ITPR1: variants seen among roughly 807,000 people sequenced by gnomAD.
ITPR1 encodes inositol 1,4,5-trisphosphate-gated calcium channel ITPR1.
In ITPR1, 96 loss-of-function variants were observed where a neutral mutation model predicts 318.4. The ratio of observed to expected loss-of-function variants is 0.30; its 90% confidence interval spans 0.26 to 0.36. The LOEUF (loss-of-function observed/expected upper bound fraction) is 0.36. Ranked by LOEUF, ITPR1 falls within the 10% of genes least tolerant of loss-of-function variation. The probability of loss-of-function intolerance (pLI) is 1.00; values close to 1 mark genes in which losing one functional copy is unlikely to be tolerated. For synonymous variants in ITPR1, 1,312 were observed against 1,289.9 expected (o/e 1.02, Z -0.37); for missense variants, 2,440 against 3,460.2 (o/e 0.71, Z 7.40).
At chr3:4,801,183 C>A (rs559545038) in intron 54 of ITPR1, among the ~76,000 whole-genome samples, 101 of 152,240 alleles carry the variant, frequency 6.6e-4, no homozygotes, top group African/African-American at 2.3e-3. Flanking sequence ...TGATATAAAA[C>A]CATACATTGG....
chr3:4,782,874 C>T (rs1454874833), intron 50 of ITPR1, 133 bp downstream of exon 50: 20 of 799,426 alleles, frequency 2.5e-5, no homozygotes, highest in Non-Finnish European at 3.5e-5. Flanking sequence ...GAGCCTGCGG[C>T]TCACAGGTGC....
At chr3:4,583,071 T>C (rs1018118396) in intron 4 of ITPR1, among the ~76,000 whole-genome samples, 18 of 152,214 alleles carry the variant, frequency 1.2e-4, no homozygotes, top group Non-Finnish European at 2.4e-4. Flanking sequence ...TCTTGGCATA[T>C]AGGAGAAGAA....
intron 17 of ITPR1, among the ~76,000 whole-genome samples, chr3:4,665,515 C>A (rs143290011): frequency 8.5e-5 from 13 of 152,282 alleles, no homozygotes; most frequent in African/African-American, 2.4e-4. Context: ...AGACATCTTT[C>A]TATGAGATTT....
chr3:4,837,880 TGA>T (rs1203021273), intron 61 of ITPR1, among the ~76,000 whole-genome samples: 1 of 152,166 alleles, frequency 6.6e-6, no homozygotes, highest in Non-Finnish European at 1.5e-5. Context: ...GCATTTTATG[TGA>T]GTTTCTGAAA....
rs2094328064 is a variant in ITPR1 at position 4,682,955 on chromosome 3, A to G, written c.3162-431A>G. Among the ~76,000 whole-genome samples, 3 of 152,190 alleles carry G rather than the reference A, an allele frequency of 2.0e-5. No individual in the cohort carries two copies. In the South Asian group the frequency reaches 6.2e-4, roughly 32 times the overall value. ...TATAGTCCCAGCTACTCAGTATGCT[A>G]AGGCAGGAGGATCATTTGAGCATAG... On this transcript the variant is annotated intron_variant, in intron 26 of 61. Coordinates refer to ENST00000649015, the MANE Select transcript of ITPR1 (RefSeq NM_001378452.1).
chr3:4,738,474 G>A (rs955744314), intron 44 of ITPR1, among the ~76,000 whole-genome samples: 1 of 152,178 alleles, frequency 6.6e-6, no homozygotes, highest in Non-Finnish European at 1.5e-5. Flanking sequence ...GATTAGACGT[G>A]GAAGAGAAGT....
At chr3:4,657,226 G>A (rs1463952345) in intron 12 of ITPR1, among the ~76,000 whole-genome samples, 1 of 152,032 alleles carries the variant, frequency 6.6e-6, no homozygotes, top group African/African-American at 2.4e-5. Context: ...CTTGGATTCA[G>A]GTTTATTTTG....
rs2045971649 is a variant in ITPR1, at chr3:4,768,612, G to C, written c.5827G>C (p.Asp1943His). 6.2e-7 allele frequency: 1 copy of C among 1,613,902 alleles called. No individual in the cohort carries two copies. The highest frequency in any genetic ancestry group is 1.3e-5 in the African/African-American group (1 of 74,944). The change falls in exon 46 of 62, where the codon GAT becomes CAT. Residue 1943 changes from aspartate (D) to histidine (H), a missense_variant. Asp to His is a moderately conservative substitution (Grantham distance 81, BLOSUM62 -1). This residue lies in a region of ITPR1 where 113 missense variants were observed against 103.6 expected (regional missense o/e 1.09). Coordinates refer to ENST00000649015, the MANE Select transcript of ITPR1 (RefSeq NM_001378452.1). The stretch of plus-strand genomic sequence containing the variant: ...CTTCACCACTTTCAGGAGGGAGGCT[G>C]ATCCCGACGACCACTACCAGCCTGG... ...KAFTTFRREA[D>H]PDDHYQPGEG...
chr3:4,693,820 G>T, intron 33 of ITPR1, 79 bp downstream of exon 33: 3 of 1,486,018 alleles, frequency 2.0e-6, no homozygotes, highest in Admixed American at 2.0e-5. Context: ...AGACATGGTG[G>T]TGGCTGGCCT....
chr3:4,560,456 A>G (rs569434512), intron 4 of ITPR1, among the ~76,000 whole-genome samples: 3 of 152,314 alleles, frequency 2.0e-5, no homozygotes, highest in African/African-American at 4.8e-5. Flanking sequence ...CCTGACTACT[A>G]TTTTTAAAGA....
intron 4 of ITPR1, among the ~76,000 whole-genome samples, chr3:4,626,860 C>T (rs1171522311): frequency 6.6e-6 from 1 of 152,180 alleles, no homozygotes; most frequent in Admixed American, 6.5e-5. Flanking sequence ...GTTCTGCCGC[C>T]CAAACTGGAG....
chr3:4,614,015 T>C (rs1236765145), intron 4 of ITPR1, among the ~76,000 whole-genome samples: 1 of 152,188 alleles, frequency 6.6e-6, no homozygotes, highest in Non-Finnish European at 1.5e-5. Flanking sequence ...GTCACTCTAG[T>C]TGCGCCTGTT....
intron 12 of ITPR1, among the ~76,000 whole-genome samples, chr3:4,654,358 G>C (rs1224708652): frequency 6.6e-6 from 1 of 152,224 alleles, no homozygotes; most frequent in Non-Finnish European, 1.5e-5. Flanking sequence ...TAGATACTCA[G>C]CTAATCCGTC....
intron 17 of ITPR1, among the ~76,000 whole-genome samples, chr3:4,666,411 C>T (rs2093946978): frequency 6.6e-6 from 1 of 152,084 alleles, no homozygotes; most frequent in Non-Finnish European, 1.5e-5. Flanking sequence ...TCCTCTCTCC[C>T]ATCTTCAGAT....
At chr3:4,648,797 G>A (rs1166807736) in intron 10 of ITPR1, among the ~76,000 whole-genome samples, 2 of 152,214 alleles carry the variant, frequency 1.3e-5, no homozygotes, top group African/African-American at 2.4e-5. Flanking sequence ...GTGACAGAGC[G>A]AGACCCTGTC....
Position 4,805,248 on chromosome 3 carries a change from T to A in ITPR1, c.7108-855T>A, listed in dbSNP as rs78642296. 6.2e-3 allele frequency among the ~76,000 whole-genome samples: 943 copies of A among 152,322 alleles called. 13 individuals carry two copies. Among genetic ancestry groups the A allele is most frequent in the African/African-American group, 0.021 (890 of 41,574 alleles). On this transcript the variant is annotated intron_variant, in intron 54 of 61. Coordinates refer to ENST00000649015, the MANE Select transcript of ITPR1 (RefSeq NM_001378452.1). The stretch of plus-strand genomic sequence containing the variant: ...TCCTCCTTGCCATCTTTTGGCTCTG[T>A]GTCCCCAGTGCTGGTGGTGCCTTCA...
chr3:4,613,781 T>C (rs1432899678), intron 4 of ITPR1, among the ~76,000 whole-genome samples: 2 of 152,200 alleles, frequency 1.3e-5, no homozygotes, highest in African/African-American at 2.4e-5. Context: ...TTTATTTTTA[T>C]TTTTTATTGA....
At chr3:4,762,019 G>A (rs1420350868) in intron 44 of ITPR1, among the ~76,000 whole-genome samples, 1 of 151,824 alleles carries the variant, frequency 6.6e-6, no homozygotes, top group Non-Finnish European at 1.5e-5. Context: ...AGGGCCCTCT[G>A]CCTCCCTTCG....
chr3:4,535,465 C>T (rs1333034329), intron 4 of ITPR1, among the ~76,000 whole-genome samples: 4 of 76,148 alleles, frequency 5.3e-5, no homozygotes, highest in Admixed American at 4.6e-4. Flanking sequence ...TTTTTTGAGA[C>T]GGAGTCTTGC....
Sources: gnomAD v4.1 joint callset for allele counts (sites outside exome capture counted in the v4.1 genomes callset) on GRCh38, gnomAD v4.1.1 for gene constraint, gnomAD v4.1.1 regional missense constraint, MANE v1.5 for transcripts, NCBI Gene and HGNC (gene_info 2026-07-23, HGNC 2026-07-21) for gene names.